PANX1: variants seen among roughly 807,000 people sequenced by gnomAD.
PANX1 encodes pannexin 1.
Under a neutral mutation model 38.7 loss-of-function variants are expected in PANX1, and 30 were observed. The observed-to-expected ratio is 0.78, with a 90% CI of 0.58 to 1.05. The LOEUF (loss-of-function observed/expected upper bound fraction) is 1.05, where lower values mean the gene tolerates loss of function less well. Ranked by LOEUF, PANX1 falls within the 50% of genes least tolerant of loss-of-function variation. The pLI is 0.00. For synonymous variants in PANX1, 230 were observed against 212.2 expected, an observed-to-expected ratio of 1.08 and a Z score of -0.73; for missense variants, 551 against 517.2, an observed-to-expected ratio of 1.07 and a Z score of -0.63.
At chr11:94,149,243 G>C (rs1334507019) in intron 1 of PANX1, among the ~76,000 whole-genome samples, 1 of 152,204 alleles carries the variant, frequency 6.6e-6, no homozygotes, top group African/African-American at 2.4e-5. Flanking sequence ...TGGTGTCTTT[G>C]AGAAACCTCT....
chr11:94,156,121 AT>A (rs898862713), intron 2 of PANX1, among the ~76,000 whole-genome samples: 2 of 152,154 alleles, frequency 1.3e-5, no homozygotes, highest in African/African-American at 4.8e-5. Flanking sequence ...AAACTGAAAG[AT>A]TTTTTATCCA....
At chr11:94,173,541 C>G (rs148818802) in intron 2 of PANX1, among the ~76,000 whole-genome samples, 2 of 151,690 alleles carry the variant, frequency 1.3e-5, no homozygotes, top group East Asian at 3.9e-4. Flanking sequence ...GGTTCCACCC[C>G]GTCATGCCCT....
intron 2 of PANX1, among the ~76,000 whole-genome samples, chr11:94,164,202 TG>T (rs1401833633): frequency 1.3e-5 from 2 of 152,120 alleles, no homozygotes; most frequent in Non-Finnish European, 2.9e-5. Flanking sequence ...TGTATTTTTT[TG>T]GTTTCAATTT....
intron 1 of PANX1, among the ~76,000 whole-genome samples, chr11:94,132,835 TTAAA>T (rs915428169): frequency 2.0e-5 from 3 of 152,222 alleles, no homozygotes; most frequent in African/African-American, 4.8e-5. Context: ...GATTTTTCCT[TTAAA>T]TAAATGATTT....
intron 2 of PANX1, among the ~76,000 whole-genome samples, chr11:94,172,860 CCTT>C (rs1343571916): frequency 1.3e-5 from 2 of 151,696 alleles, no homozygotes; most frequent in Admixed American, 6.5e-5. Flanking sequence ...ATCTTTTCCT[CCTT>C]CTGTGAACAG....
intron 1 of PANX1, among the ~76,000 whole-genome samples, chr11:94,141,217 C>T (rs1302699398): frequency 6.6e-6 from 1 of 152,232 alleles, no homozygotes; most frequent in Non-Finnish European, 1.5e-5. Context: ...TTAAAAGACA[C>T]TTTCAACTGC....
At position 94,180,136 on chromosome 11, in the gene PANX1, G is replaced by A. The variant is rs373415904; in HGVS notation, c.1080G>A (p.Gly360=). 1.7e-5 allele frequency: 27 copies of A among 1,613,820 alleles called. No individual in the cohort carries two copies. Among genetic ancestry groups the A allele is most frequent in the Non-Finnish European group, 1.9e-5 (23 of 1,179,940 alleles). The change falls in exon 4 of 5, where the codon GGG becomes GGA. Residue 360 remains glycine, a synonymous_variant. Transcript: ENST00000227638. ...AGAATATTAAGAGCAGTGGTCAGGG[G>A]ATCGACCCAATGCTACTCCTGACAA... ...VLENIKSSGQ[G]IDPMLLLTNL...
chr11:94,145,365 T>C (rs1946816422), intron 1 of PANX1, among the ~76,000 whole-genome samples: 1 of 152,206 alleles, frequency 6.6e-6, no homozygotes, highest in Non-Finnish European at 1.5e-5. Context: ...AAAAATTGCA[T>C]AGATTTTTGA....
At chr11:94,133,125 C>T (rs1946650561) in intron 1 of PANX1, among the ~76,000 whole-genome samples, 1 of 152,216 alleles carries the variant, frequency 6.6e-6, no homozygotes, top group African/African-American at 2.4e-5. Context: ...CTTTATCAAG[C>T]CCTGCTGGGT....
rs59182320 is a variant in PANX1, at chr11:94,162,871, C to CTTTTTTTTTTT, written c.321+9249_321+9259dup. ...GGCCATCTTGGCTCCACCAACCTCT[C>CTTTTTTTTTTT]TTTTTTTTTTTTTTTTTTGAGACAG... On this transcript the variant is annotated intron_variant, in intron 2 of 4. Transcript: ENST00000227638. Among the ~76,000 whole-genome samples, 45 of 107,430 alleles carry CTTTTTTTTTTT rather than the reference C, an allele frequency of 4.2e-4. 3 individuals are homozygous for CTTTTTTTTTTT. The highest frequency in any genetic ancestry group is 1.6e-3 in the African/African-American group (40 of 24,982). 70.5% of individuals were successfully genotyped at this position (107,430 alleles called of 152,430 possible). A position where few individuals can be genotyped will look rare whatever the true frequency, so the allele number is the denominator to read the frequency against.
intron 1 of PANX1, among the ~76,000 whole-genome samples, chr11:94,142,050 A>G (rs940119986): frequency 1.8e-4 from 28 of 152,182 alleles, no homozygotes; most frequent in African/African-American, 2.4e-4. Flanking sequence ...TGCTCTTTCC[A>G]GAGCCTGGGT....
Position 94,129,207 on chromosome 11 carries a change from A to G in PANX1, c.-106A>G, listed in dbSNP as rs1209299248. The G allele has an allele frequency of 1.6e-5, 15 of 926,608 alleles. No individual in the cohort carries two copies. Among genetic ancestry groups the G allele is most frequent in the Non-Finnish European group, 2.4e-5 (15 of 627,488 alleles). The allele number at this position is 926,608 out of a possible 1,614,324, so 57.4% of individuals were successfully genotyped here. On this transcript the variant is annotated 5_prime_UTR_variant, in exon 1 of 5. Transcript: ENST00000227638. ...GCGGGATGCGGGAGCAGGCAAAGGGAAAGCGAAAGCCGCGCGCCCGGCCGG... is the reference window on the plus strand; with the variant it reads ...GCGGGATGCGGGAGCAGGCAAAGGGGAAGCGAAAGCCGCGCGCCCGGCCGG...
At chr11:94,154,242 C>G (rs1335618426) in intron 2 of PANX1, among the ~76,000 whole-genome samples, 2 of 152,200 alleles carry the variant, frequency 1.3e-5, no homozygotes, top group African/African-American at 4.8e-5. Context: ...CTGGGTTCCA[C>G]TCCACTTCCC....
chr11:94,134,572 G>T (rs1216188351), intron 1 of PANX1, among the ~76,000 whole-genome samples: 2 of 152,136 alleles, frequency 1.3e-5, no homozygotes, highest in African/African-American at 4.8e-5. Context: ...GTTTGGATGA[G>T]ATTATGAGAG....
chr11:94,178,471 A>G lies in PANX1; in HGVS notation c.424A>G (p.Ile142Val). 1 of 1,614,106 alleles carries G rather than the reference A, an allele frequency of 6.2e-7. No homozygotes were observed. The highest frequency in any genetic ancestry group is 8.5e-7 in the Non-Finnish European group (1 of 1,179,990). ...TCATATTTGCTCAGACTTGAAGTTT[A>G]TCATGGAAGAACTTGACAAAGTTTA... ...APHICSDLKF[I>V]MEELDKVYNR... The change falls in exon 3 of 5, where the codon ATC becomes GTC. Residue 142 changes from isoleucine to valine, a missense_variant. Transcript: ENST00000227638.
At chr11:94,171,950 A>G (rs1228879050) in intron 2 of PANX1, among the ~76,000 whole-genome samples, 1 of 149,984 alleles carries the variant, frequency 6.7e-6, no homozygotes, top group Non-Finnish European at 1.5e-5. Flanking sequence ...GTTCAAGTTT[A>G]GAATGCGGGA....
intron 2 of PANX1, among the ~76,000 whole-genome samples, chr11:94,156,784 G>A (rs1591515581): frequency 6.8e-6 from 1 of 146,356 alleles, no homozygotes; most frequent in African/African-American, 2.5e-5. Flanking sequence ...ATGCAGGTTT[G>A]TTACATATGT....
At chr11:94,173,046 G>A (rs1184261209) in intron 2 of PANX1, among the ~76,000 whole-genome samples, 10 of 151,612 alleles carry the variant, frequency 6.6e-5, no homozygotes, top group Admixed American at 4.6e-4. Flanking sequence ...AGCTTTCTGG[G>A]GTAGCTGTTC....
chr11:94,145,357 A>T (rs1946816247), intron 1 of PANX1, among the ~76,000 whole-genome samples: 1 of 152,254 alleles, frequency 6.6e-6, no homozygotes, highest in South Asian at 2.1e-4. Context: ...GTTTAAAAAA[A>T]AATTGCATAG....
Sources: gnomAD v4.1 joint callset for allele counts (sites outside exome capture counted in the v4.1 genomes callset) on GRCh38, gnomAD v4.1.1 for gene constraint, MANE v1.5 for transcripts, NCBI Gene and HGNC (gene_info 2026-07-23, HGNC 2026-07-21) for gene names.